The following MKLN1 variants were observed in gnomAD, a reference collection of about 807,000 sequenced individuals.
The protein encoded by MKLN1 is muskelin 1, also known as muskelin.
Under a neutral mutation model 99.0 loss-of-function variants are expected in MKLN1, and 18 were observed. The ratio of observed to expected loss-of-function variants is 0.18; its 90% CI spans 0.13 to 0.27. The LOEUF (loss-of-function observed/expected upper bound fraction) is 0.27, where lower values mean the gene tolerates loss of function less well. Ranked by LOEUF, MKLN1 falls within the 10% of genes least tolerant of loss-of-function variation. The pLI is 1.00. For synonymous variants in MKLN1, 288 were observed against 293.2 expected (o/e 0.98, Z 0.18); for missense variants, 621 against 875.9 (o/e 0.71, Z 3.67).
At chr7:131,327,781 C>A, upstream of MKLN1, 1 of 1,438,038 alleles carries the variant, frequency 7.0e-7, no homozygotes, top group Non-Finnish European at 9.1e-7. Context: ...GGTAACGATG[C>A]GGGGCGGGGA....
At chr7:131,162,137 G>A (rs1389312028) in intron 2 of MKLN1, among the ~76,000 whole-genome samples, 2 of 151,334 alleles carry the variant, frequency 1.3e-5, no homozygotes, top group African/African-American at 4.9e-5. Context: ...GAGTTCAAGC[G>A]ATCCTCCTGG....
At chr7:131,462,767 T>C (rs946771810) in intron 12 of MKLN1, among the ~76,000 whole-genome samples, 1 of 152,162 alleles carries the variant, frequency 6.6e-6, no homozygotes, top group African/African-American at 2.4e-5. Flanking sequence ...AGTTATGTAG[T>C]GTGTTAGAAG....
chr7:131,300,740 C>T (rs889752943), intron 3 of MKLN1, among the ~76,000 whole-genome samples: 4 of 151,264 alleles, frequency 2.6e-5, no homozygotes, highest in East Asian at 3.9e-4. Context: ...ATCTCTAGAG[C>T]GTGGCATTCA....
intron 1 of MKLN1, among the ~76,000 whole-genome samples, chr7:131,339,849 G>A (rs1248808105): frequency 1.3e-5 from 2 of 151,812 alleles, no homozygotes; most frequent in Non-Finnish European, 2.9e-5. Flanking sequence ...AGATAATTGG[G>A]TTTGGTGTAA....
chr7:131,210,047 A>T (rs1796877892), intron 3 of MKLN1, among the ~76,000 whole-genome samples: 1 of 152,164 alleles, frequency 6.6e-6, no homozygotes, highest in African/African-American at 2.4e-5. Flanking sequence ...AAGTAAAACT[A>T]TTTGTTTAAA....
In MKLN1 at chr7:131,422,646, ATTG is replaced by A. The variant is rs536002142; in HGVS notation, c.848-6383_848-6381del. 9.8e-5 allele frequency among the ~76,000 whole-genome samples: 15 copies of A among 152,332 alleles called. No homozygotes were observed. The South Asian group carries it at 2.7e-3, about 27-fold the overall frequency. On this transcript the variant is annotated intron_variant, in intron 8 of 17. Transcript: ENST00000352689. Reference sequence around the variant, plus strand: ...TTAACATGGCTTATATTTTAAAGCAATTGTTGCTTCCCGGTGTCTCATATACCT... The same window carrying A: ...TTAACATGGCTTATATTTTAAAGCAATTGCTTCCCGGTGTCTCATATACCT...
At chr7:131,374,490 A>G (rs189069199) in intron 1 of MKLN1, among the ~76,000 whole-genome samples, 3 of 152,298 alleles carry the variant, frequency 2.0e-5, no homozygotes, top group Admixed American at 2.0e-4. Flanking sequence ...CCTAACTGTA[A>G]CATCCCCCTA....
At chr7:131,325,487 G>A (rs1320415779), upstream of MKLN1, among the ~76,000 whole-genome samples, 1 of 152,122 alleles carries the variant, frequency 6.6e-6, no homozygotes, top group East Asian at 1.9e-4. Flanking sequence ...CTTGAGCCCA[G>A]GAGTTCAAGA....
intron 3 of MKLN1, among the ~76,000 whole-genome samples, chr7:131,224,628 G>A (rs934944362): frequency 6.6e-6 from 1 of 152,096 alleles, no homozygotes; most frequent in African/African-American, 2.4e-5. Flanking sequence ...TGTAGTGCCA[G>A]CTACTTGGGA....
intron 3 of MKLN1, among the ~76,000 whole-genome samples, chr7:131,225,005 G>A (rs915360698): frequency 1.3e-5 from 2 of 151,866 alleles, no homozygotes; most frequent in Non-Finnish European, 2.9e-5. Flanking sequence ...CCCGGGAGGC[G>A]GAGCTTGCAA....
At chr7:131,462,178 C>T (rs1339245770) in intron 12 of MKLN1, among the ~76,000 whole-genome samples, 1 of 152,028 alleles carries the variant, frequency 6.6e-6, no homozygotes, top group Non-Finnish European at 1.5e-5. Flanking sequence ...ACTACATGTG[C>T]ACACCACCAC....
intron 3 of MKLN1, among the ~76,000 whole-genome samples, chr7:131,220,425 C>T (rs1797043874): frequency 7.1e-6 from 1 of 140,194 alleles, no homozygotes; most frequent in African/African-American, 2.6e-5. Flanking sequence ...TACATGTAAC[C>T]GTAATAGGTT....
intron 3 of MKLN1, among the ~76,000 whole-genome samples, chr7:131,269,388 C>T (rs919326953): frequency 1.3e-5 from 2 of 152,176 alleles, no homozygotes; most frequent in Non-Finnish European, 2.9e-5. Flanking sequence ...TGTGTCCTCA[C>T]ATGGTGGAAC....
At chr7:131,154,123 C>T (rs1011456562) in intron 2 of MKLN1, among the ~76,000 whole-genome samples, 1 of 152,090 alleles carries the variant, frequency 6.6e-6, no homozygotes, top group African/African-American at 2.4e-5. Flanking sequence ...CATACACACA[C>T]ATATGTAAAT....
intron 1 of MKLN1, among the ~76,000 whole-genome samples, chr7:131,346,864 A>G (rs1402991382): frequency 6.6e-6 from 1 of 152,224 alleles, no homozygotes; most frequent in Non-Finnish European, 1.5e-5. Context: ...TTTATTCTGT[A>G]GTTACATGCA....
intron 3 of MKLN1, among the ~76,000 whole-genome samples, chr7:131,249,250 CAA>C (rs1041691476): frequency 1.3e-5 from 2 of 152,198 alleles, no homozygotes; most frequent in African/African-American, 4.8e-5. Context: ...TGGTGACTAA[CAA>C]AATTGGGGCA....
chr7:131,375,296 T>G, intron 1 of MKLN1, 128 bp from the exon 2 acceptor site: 1 of 622,750 alleles, frequency 1.6e-6, no homozygotes. Context: ...TCTTACTCTG[T>G]TTTGTTTTCT....
intron 2 of MKLN1, among the ~76,000 whole-genome samples, chr7:131,166,856 T>C (rs1397176842): frequency 6.6e-6 from 1 of 152,020 alleles, no homozygotes; most frequent in Non-Finnish European, 1.5e-5. Context: ...GGGCTACTTT[T>C]TGTATTTTTA....
chr7:131,373,545 A>T (rs1481885710), intron 1 of MKLN1, among the ~76,000 whole-genome samples: 1 of 152,106 alleles, frequency 6.6e-6, no homozygotes, highest in Non-Finnish European at 1.5e-5. Context: ...TTTGATAATA[A>T]GTCTCTTTAT....
Sources: allele counts gnomAD v4.1 joint callset (sites outside exome capture counted in the v4.1 genomes callset), GRCh38; gene constraint gnomAD v4.1.1; transcripts MANE v1.5; gene names NCBI Gene and HGNC (gene_info 2026-07-23, HGNC 2026-07-21).